Variants in RFPL3 observed in about 807,000 individuals in gnomAD.
RFPL3 encodes the protein ret finger protein like 3.
A neutral mutation model predicts 8.7 loss-of-function variants in RFPL3; 8 were observed. The observed-to-expected ratio is 0.92, with a 90% CI of 0.54 to 1.66. The LOEUF (loss-of-function observed/expected upper bound fraction) is 1.66. Ranked by LOEUF, RFPL3 falls within the 40% of genes most tolerant of loss-of-function variation. RFPL3 has a pLI of 0.00. For missense variants in RFPL3, 341 were observed against 395.0 expected (o/e 0.86, Z 1.16); for synonymous variants, 145 against 150.5 (o/e 0.96, Z 0.27).
At position 32,360,478 on chromosome 22, in the gene RFPL3, T is replaced by C; in HGVS notation, c.600T>C (p.Ser200=). The C allele has an allele frequency of 1.2e-6, 2 of 1,613,926 alleles. No homozygotes were observed. Among genetic ancestry groups the C allele is most frequent in the Non-Finnish European group, 1.7e-6 (2 of 1,179,856 alleles). ...GGGACCTGGGAGTCTGCAGAGAATC[T>C]GTTCACTGCAAAGGGAAGATCCAGC... ...TEWDLGVCRE[S]VHCKGKIQLT... Residue 200 remains serine, a synonymous_variant, in exon 2 of 2, where the codon TCT becomes TCC. Coordinates refer to ENST00000249007, the MANE Select transcript of RFPL3 (RefSeq NM_001098535.1).
chr22:32,360,100 T>A, intron 1 of RFPL3, 152 bp from the exon 2 acceptor site: 1 of 966,400 alleles, frequency 1.0e-6, no homozygotes, highest in Non-Finnish European at 1.5e-6. Flanking sequence ...AAATTTGAAA[T>A]AGGGAAGTTT....
upstream of RFPL3, among the ~76,000 whole-genome samples, chr22:32,356,261 G>GC (rs1335944458): frequency 3.3e-5 from 5 of 152,072 alleles, no homozygotes; most frequent in Non-Finnish European, 5.9e-5. Flanking sequence ...GCGTCTTAAG[G>GC]CTCAGCTAGG....
In RFPL3 at chr22:32,360,429, T is replaced by C; in HGVS notation, c.551T>C (p.Val184Ala). 6.2e-7 allele frequency: 1 copy of C among 1,613,422 alleles called. No individual in the cohort carries two copies. Among genetic ancestry groups the C allele is most frequent in the Non-Finnish European group, 8.5e-7 (1 of 1,179,802 alleles). ...ACCTGTGGCCGCCACTACTGGGAGGTGGACGTGGGAACAAGCACAGAATGG... is the reference window on the plus strand; with the variant it reads ...ACCTGTGGCCGCCACTACTGGGAGGCGGACGTGGGAACAAGCACAGAATGG... ...RFTCGRHYWE[V>A]DVGTSTEWDL... Residue 184 changes from valine (V) to alanine (A), a missense_variant, in exon 2 of 2, where the codon GTG (valine) becomes GCG (alanine). By Grantham distance (64) the Val-to-Ala change is moderately conservative (BLOSUM62 0). Coordinates refer to ENST00000249007, the MANE Select transcript of RFPL3 (RefSeq NM_001098535.1).
At position 32,357,953 on chromosome 22, in the gene RFPL3, G is replaced by A. The variant is rs570692217; in HGVS notation, c.-119G>A. 3.0e-5 allele frequency: 46 copies of A among 1,540,110 alleles called. No individual in the cohort carries two copies. The highest frequency in any genetic ancestry group is 1.8e-4 in the Middle Eastern group (1 of 5,618). Reference sequence around the variant, plus strand: ...TCAGCTCAGAGCACAGTGATGATTCGTGACTTTCCCAATAGAACTTCAAAT... The same window carrying A: ...TCAGCTCAGAGCACAGTGATGATTCATGACTTTCCCAATAGAACTTCAAAT... On this transcript the variant is annotated 5_prime_UTR_variant, in exon 1 of 2. In the 5' UTR this introduces an upstream ATG that the reference lacks. Coordinates refer to ENST00000249007, the MANE Select transcript of RFPL3 (RefSeq NM_001098535.1).
At position 32,360,076 on chromosome 22, in the gene RFPL3, A is replaced by C. The variant is rs1932762497; in HGVS notation, c.374-176A>C. On this transcript the variant is annotated intron_variant, in intron 1 of 1. Transcript: ENST00000249007. ...TGAATAAGAGTCACGTATTGCCACA[A>C]AGCATACCTATGAAAATTTGAAATA... is the stretch of plus-strand genomic sequence containing the variant. 4 of 769,306 alleles carry C rather than the reference A, an allele frequency of 5.2e-6. No individual in the cohort carries two copies. The South Asian group carries it at 7.9e-5, about 15-fold the overall frequency. The allele number at this position is 769,306 out of a possible 1,614,324, so 47.7% of individuals were successfully genotyped here. A position where few individuals can be genotyped will look rare whatever the true frequency, so the allele number is the denominator to read the frequency against.
chr22:32,355,757 T>C (rs185362081), upstream of RFPL3, among the ~76,000 whole-genome samples: 1 of 133,334 alleles, frequency 7.5e-6, no homozygotes, highest in Non-Finnish European at 1.5e-5. Flanking sequence ...CACTCCAGCC[T>C]GGTGACACAG....
Position 32,360,350 on chromosome 22 carries a change from G to C in RFPL3, c.472G>C (p.Asp158His), listed in dbSNP as rs148898263. 1 of 1,613,832 alleles carries C rather than the reference G, an allele frequency of 6.2e-7. No homozygotes were observed. The highest frequency in any genetic ancestry group is 1.3e-5 in the African/African-American group (1 of 74,906). The change falls in exon 2 of 2, where the codon GAC becomes CAC. Residue 158 changes from aspartate to histidine, a missense_variant. By Grantham distance (81) the Asp-to-His change is moderately conservative. Transcript: ENST00000249007. ...TGGGCTCATCACACAGAATCGGCAA[G>C]ACCTTGCCGAGAGATTTGACGTGTC... Reference protein sequence around the residue: ...RSGLITQNRQDLAERFDVSVC... With the variant: ...RSGLITQNRQHLAERFDVSVC...
upstream of RFPL3, among the ~76,000 whole-genome samples, chr22:32,355,344 G>A (rs970916415): frequency 6.6e-6 from 1 of 152,142 alleles, no homozygotes; most frequent in African/African-American, 2.4e-5. Context: ...CTCAGTTCCA[G>A]GCTCTTCTAG....
At chr22:32,355,371 C>T (rs3817775), upstream of RFPL3, among the ~76,000 whole-genome samples, 1 of 152,138 alleles carries the variant, frequency 6.6e-6, no homozygotes, top group African/African-American at 2.4e-5. Context: ...TTCTCTGTCT[C>T]CACACCTTCC....
At position 32,360,587 on chromosome 22, in the gene RFPL3, T is replaced by A. The variant is rs888537080; in HGVS notation, c.709T>A (p.Leu237Ile). 8.1e-6 allele frequency: 13 copies of A among 1,613,772 alleles called. No homozygotes were observed. The highest frequency in any genetic ancestry group is 1.1e-5 in the Non-Finnish European group (13 of 1,179,786). ...CAGCACGGTGCCGCTGACTTTCCTC[T>A]TAGTAGACCGCAAGTTACAGCGAGT... ...SASTVPLTFL[L>I]VDRKLQRVGI... is the part of the protein sequence containing the mutation. The change falls in exon 2 of 2, where the codon TTA (leucine) becomes ATA (isoleucine). Residue 237 changes from leucine (L) to isoleucine (I), a missense_variant. Coordinates refer to ENST00000249007, the MANE Select transcript of RFPL3 (RefSeq NM_001098535.1).
chr22:32,360,140 G>C, intron 1 of RFPL3, 112 bp from the exon 2 acceptor site: 1 of 1,383,108 alleles, frequency 7.2e-7, no homozygotes. Context: ...TTTGGAGGAA[G>C]AAACAGAATT....
At chr22:32,356,765 G>A (rs183246956), upstream of RFPL3, 63 of 382,608 alleles carry the variant, frequency 1.6e-4, no homozygotes, top group South Asian at 1.5e-4. Flanking sequence ...TCCACTGGTC[G>A]GGTGTCAGGC....
upstream of RFPL3, among the ~76,000 whole-genome samples, chr22:32,357,514 C>T (rs1310352700): frequency 3.3e-5 from 5 of 151,506 alleles, no homozygotes; most frequent in East Asian, 2.0e-4. Context: ...TTGCCCAGGC[C>T]GGAGTGCAAT....
chr22:32,361,138 A>T lies in RFPL3; in HGVS notation c.*306A>T, dbSNP rs1285344975. On this transcript the variant is annotated 3_prime_UTR_variant, in exon 2 of 2. Coordinates refer to ENST00000249007, the MANE Select transcript of RFPL3 (RefSeq NM_001098535.1). ...CAATGTTTAAATTATAGAAGTTATGAGGTAAATAAACATTTGGATATCACC... is the reference window on the plus strand; with the variant it reads ...CAATGTTTAAATTATAGAAGTTATGTGGTAAATAAACATTTGGATATCACC... The T allele has an allele frequency of 4.0e-6, 1 of 248,138 alleles. No individual in the cohort carries two copies. The highest frequency in any genetic ancestry group is 7.7e-6 in the Non-Finnish European group (1 of 130,620). 15.4% of individuals were successfully genotyped at this position (248,138 alleles called of 1,614,324 possible). A position where few individuals can be genotyped will look rare whatever the true frequency, so the allele number is the denominator to read the frequency against.
upstream of RFPL3, among the ~76,000 whole-genome samples, chr22:32,355,577 C>G (rs1932636738): frequency 6.6e-6 from 1 of 151,940 alleles, no homozygotes; most frequent in South Asian, 2.1e-4. Context: ...GCCAGGCAGC[C>G]CTAGGTGCAC....
At chr22:32,355,086 A>G (rs10427814), upstream of RFPL3, among the ~76,000 whole-genome samples, 38,805 of 142,132 alleles carry the variant, frequency 0.27, 6,745 homozygotes, top group African/African-American at 0.51. Context: ...ACTTGGCATC[A>G]TTTATATATG....
intron 1 of RFPL3, among the ~76,000 whole-genome samples, chr22:32,359,419 AT>A (rs201804400): frequency 0.036 from 5,402 of 149,258 alleles, 119 homozygotes; most frequent in African/African-American, 0.058. Context: ...TATTTTGTAG[AT>A]TTTTTTTTTT....
Position 32,360,529 on chromosome 22 carries a change from T to C in RFPL3, c.651T>C (p.Thr217=). The C allele has an allele frequency of 6.2e-7, 1 of 1,613,962 alleles. No homozygotes were observed. Among genetic ancestry groups the C allele is most frequent in the Non-Finnish European group, 8.5e-7 (1 of 1,179,872 alleles). ...TGACCACAGAGCTTGGATTCTGGAC[T>C]GTGAGTTTGAGGGATGGAAGCCGCC... ...IQLTTELGFW[T]VSLRDGSRLS... is the part of the protein sequence containing the mutation. The change falls in exon 2 of 2, where the codon ACT becomes ACC. Residue 217 remains threonine, a synonymous_variant. Transcript: ENST00000249007.
chr22:32,357,415 C>T (rs1459019399), upstream of RFPL3, among the ~76,000 whole-genome samples: 2 of 151,748 alleles, frequency 1.3e-5, no homozygotes, highest in Non-Finnish European at 2.9e-5. Context: ...AGGGATCTTC[C>T]TGCCTTGGCC....
Sources: allele counts gnomAD v4.1 joint callset (sites outside exome capture counted in the v4.1 genomes callset), GRCh38; gene constraint gnomAD v4.1.1; transcripts MANE v1.5; gene names NCBI Gene and HGNC (gene_info 2026-07-23, HGNC 2026-07-21).